Variants in EVL observed in about 807,000 individuals in gnomAD.
The protein encoded by EVL is Enah/Vasp-like.
EVL carries 21 observed loss-of-function variants against 59.6 expected under a neutral mutation model. The observed-to-expected ratio is 0.35, with a 90% confidence interval of 0.25 to 0.51. The LOEUF is 0.51. EVL is among the 20% of genes least tolerant of loss of function. The probability of loss-of-function intolerance (pLI) is 0.97; values close to 1 mark genes in which losing one functional copy is unlikely to be tolerated. For synonymous variants in EVL, 198 were observed against 203.5 expected (o/e 0.97, Z 0.23); for missense variants, 462 against 546.6 (o/e 0.85, Z 1.54).
intron 8 of EVL, 65 bp downstream of exon 8, chr14:100,132,844 C>T: frequency 6.3e-7 from 1 of 1,580,248 alleles, no homozygotes; most frequent in Non-Finnish European, 8.7e-7. Flanking sequence ...CAGGGAGGCT[C>T]TCTGGTCTCA....
chr14:100,060,970 A>G (rs889759300), upstream of EVL, among the ~76,000 whole-genome samples: 5 of 140,788 alleles, frequency 3.6e-5, no homozygotes, highest in African/African-American at 1.5e-4. Context: ...GTGCTGAAAG[A>G]CAAAAAAAAA....
At chr14:100,053,555 A>G (rs187151512) in intron 1 of EVL, among the ~76,000 whole-genome samples, 1 of 152,322 alleles carries the variant, frequency 6.6e-6, no homozygotes, top group East Asian at 1.9e-4. Flanking sequence ...AAAGTTATGG[A>G]TATTTTATTT....
rs962702855 is a variant in EVL at position 100,109,434 on chromosome 14, G to A, written c.358+11776G>A. ...ATTTGTTTGGACCCTGGGTTTGTTT[G>A]TCTAGACTGTGAGCTCCTCGAGGGC... On this transcript the variant is annotated intron_variant, in intron 3 of 13. Coordinates refer to ENST00000392920, the MANE Select transcript of EVL (RefSeq NM_016337.3). This position sits in a 1 kb window ranked among gnomAD's most constrained non-coding sequence, Gnocchi z 4.3. The A allele has an allele frequency of 2.6e-6, 1 of 383,602 alleles. No homozygotes were observed. Among genetic ancestry groups the A allele is most frequent in the South Asian group, 1.9e-5 (1 of 52,130 alleles). 23.8% of individuals were successfully genotyped at this position (383,602 alleles called of 1,614,324 possible). A position where few individuals can be genotyped will look rare whatever the true frequency, so the allele number is the denominator to read the frequency against.
At chr14:100,078,759 C>G (rs961045369) in intron 1 of EVL, among the ~76,000 whole-genome samples, 3 of 152,152 alleles carry the variant, frequency 2.0e-5, no homozygotes, top group African/African-American at 7.2e-5. Flanking sequence ...CTCACTCACC[C>G]TGGTTTGCCC....
chr14:100,122,746 T>C (rs1475377361), intron 3 of EVL, among the ~76,000 whole-genome samples: 1 of 152,228 alleles, frequency 6.6e-6, no homozygotes, highest in Non-Finnish European at 1.5e-5. Flanking sequence ...AACAGTCAGC[T>C]CTTTCTTAGG....
At position 100,142,492 on chromosome 14, in the gene EVL, C is replaced by G. The variant is rs548307946; in HGVS notation, c.1219+699C>G. Among the ~76,000 whole-genome samples the G allele has an allele frequency of 1.2e-3, 178 of 152,368 alleles. 1 individual carries two copies. The highest frequency in any genetic ancestry group is 2.5e-4 in the Non-Finnish European group (17 of 68,042). Reference sequence around the variant, plus strand: ...ATGCAGCACAGCCAGTGCCAGCTCCCCACGTGCCTCCCCAACCAGGGTGAT... The same window carrying G: ...ATGCAGCACAGCCAGTGCCAGCTCCGCACGTGCCTCCCCAACCAGGGTGAT... On this transcript the variant is annotated intron_variant, in intron 13 of 13. Coordinates refer to ENST00000392920, the MANE Select transcript of EVL (RefSeq NM_016337.3).
intron 1 of EVL, among the ~76,000 whole-genome samples, chr14:100,032,885 C>G (rs955530718): frequency 1.3e-5 from 2 of 152,110 alleles, no homozygotes; most frequent in Non-Finnish European, 2.9e-5. Flanking sequence ...TTGAGCAGAG[C>G]TGGACACATG....
chr14:100,110,448 G>A (rs1313602349), intron 3 of EVL, among the ~76,000 whole-genome samples: 3 of 152,190 alleles, frequency 2.0e-5, no homozygotes, highest in Non-Finnish European at 4.4e-5. Context: ...GGGACACAGA[G>A]GGAAGCCAGG....
chr14:99,983,115 T>C (rs1040486159), intron 1 of EVL, among the ~76,000 whole-genome samples: 2 of 152,214 alleles, frequency 1.3e-5, no homozygotes, highest in Non-Finnish European at 1.5e-5. Flanking sequence ...GGGACAGTTC[T>C]GGTTTCAAAT....
At chr14:100,135,837 T>C (rs1403549657) in intron 8 of EVL, 68 bp from the exon 9 acceptor site, 7 of 1,357,700 alleles carry the variant, frequency 5.2e-6, no homozygotes, top group Middle Eastern at 3.6e-4. Context: ...TTTTATGAAG[T>C]GTCCAATGAT....
At chr14:100,095,239 CCTT>C (rs1212187392) in intron 2 of EVL, among the ~76,000 whole-genome samples, 6 of 152,116 alleles carry the variant, frequency 3.9e-5, no homozygotes, top group Non-Finnish European at 8.8e-5. Context: ...GGTTTCAAGA[CCTT>C]CTTCAATTTT....
intron 1 of EVL, among the ~76,000 whole-genome samples, chr14:100,079,582 G>A (rs376220527): frequency 6.6e-6 from 1 of 152,150 alleles, no homozygotes; most frequent in Non-Finnish European, 1.5e-5. Context: ...TCTACATCCT[G>A]TGCTTTTTCC....
At chr14:100,050,255 A>G (rs949341181) in intron 1 of EVL, among the ~76,000 whole-genome samples, 1 of 152,246 alleles carries the variant, frequency 6.6e-6, no homozygotes, top group African/African-American at 2.4e-5. Flanking sequence ...GTCTTTAAAC[A>G]TATATAACTT....
chr14:100,102,125 C>T (rs1213298464), intron 3 of EVL, among the ~76,000 whole-genome samples: 1 of 152,214 alleles, frequency 6.6e-6, no homozygotes. Context: ...GTGTAAGTCA[C>T]CATGCCCGGT....
At chr14:100,008,604 AAG>A (rs2140190929) in intron 1 of EVL, among the ~76,000 whole-genome samples, 1 of 152,342 alleles carries the variant, frequency 6.6e-6, no homozygotes, top group East Asian at 1.9e-4. Flanking sequence ...GGGTCCAAGA[AAG>A]AGTTGAATGG....
intron 3 of EVL, among the ~76,000 whole-genome samples, chr14:100,113,607 T>C (rs755190333): frequency 6.6e-6 from 1 of 151,940 alleles, no homozygotes; most frequent in Non-Finnish European, 1.5e-5. Context: ...AGGAATGAGG[T>C]GCCAAGCTTC....
At chr14:99,982,411 G>A (rs2060813106) in intron 1 of EVL, among the ~76,000 whole-genome samples, 1 of 152,058 alleles carries the variant, frequency 6.6e-6, no homozygotes, top group Non-Finnish European at 1.5e-5. Flanking sequence ...CATTTTAAAG[G>A]CTATCAATAT....
intron 1 of EVL, among the ~76,000 whole-genome samples, chr14:100,050,362 T>TTTATTTA (rs1465317538): frequency 1.8e-4 from 5 of 27,760 alleles, no homozygotes; most frequent in Non-Finnish European, 2.7e-4. Context: ...TATTTATTTA[T>TTTATTTA]TTTTTTTTAG....
chr14:100,024,348 G>A (rs893887010), intron 1 of EVL, among the ~76,000 whole-genome samples: 19 of 152,322 alleles, frequency 1.2e-4, no homozygotes, highest in Middle Eastern at 3.4e-3. Context: ...AGTGTCAAGA[G>A]CCCAAGCCAG....
Sources: gnomAD v4.1 joint callset for allele counts (sites outside exome capture counted in the v4.1 genomes callset) on GRCh38, gnomAD v4.1.1 for gene constraint, Gnocchi (gnomAD v3.1) non-coding constraint, MANE v1.5 for transcripts, NCBI Gene and HGNC (gene_info 2026-07-23, HGNC 2026-07-21) for gene names.